Variants in IL16 observed in about 807,000 individuals in gnomAD.
IL16 encodes interleukin 16, also known as pro-interleukin-16.
Under a neutral mutation model 110.1 loss-of-function variants are expected in IL16, and 67 were observed. The ratio of observed to expected loss-of-function variants is 0.61; its 90% CI spans 0.50 to 0.75. The LOEUF (loss-of-function observed/expected upper bound fraction) is 0.75. Ranked by LOEUF, IL16 falls within the 30% of genes least tolerant of loss-of-function variation. The pLI is 0.00. For missense variants in IL16, 1,545 were observed against 1,655.0 expected (o/e 0.93, Z 1.15); for synonymous variants, 689 against 662.9 (o/e 1.04, Z -0.61).
intron 2 of IL16, among the ~76,000 whole-genome samples, chr15:81,256,244 G>T (rs1897939807): frequency 6.6e-6 from 1 of 151,312 alleles, no homozygotes; most frequent in African/African-American, 2.4e-5. Flanking sequence ...TATTTTACAT[G>T]ATTGTAGTCA....
intron 9 of IL16, among the ~76,000 whole-genome samples, chr15:81,283,729 G>T (rs1197147692): frequency 1.3e-5 from 2 of 152,124 alleles, no homozygotes; most frequent in Non-Finnish European, 2.9e-5. Context: ...TAGTAAGTTG[G>T]GCACCATGGT....
chr15:81,278,917 CA>C, intron 7 of IL16, 27 bp downstream of exon 7: 1 of 1,512,032 alleles, frequency 6.6e-7, no homozygotes, highest in Non-Finnish European at 9.2e-7. Flanking sequence ...AACACGTGAC[CA>C]AACTCTGGGG....
At chr15:81,306,304 A>C (rs1185835706) in intron 17 of IL16, 116 bp from the exon 18 acceptor site, 1 of 1,525,034 alleles carries the variant, frequency 6.6e-7, no homozygotes, top group Admixed American at 1.8e-5. Flanking sequence ...AGACGTGTTT[A>C]CATGTGCCTG....
intron 2 of IL16, among the ~76,000 whole-genome samples, chr15:81,247,042 C>T (rs1410936818): frequency 2.0e-5 from 3 of 146,600 alleles, no homozygotes; most frequent in Admixed American, 6.8e-5. Context: ...CCTTTCAACC[C>T]TCATTTTATT....
chr15:81,232,042 G>GTTTTTTTTTTTTTTTTTTTT lies in IL16; in HGVS notation c.312+6336_312+6355dup. 3.5e-5 allele frequency among the ~76,000 whole-genome samples: 2 copies of GTTTTTTTTTTTTTTTTTTTT among 57,690 alleles called. 1 individual carries two copies. Among genetic ancestry groups the GTTTTTTTTTTTTTTTTTTTT allele is most frequent in the Non-Finnish European group, 6.7e-5 (2 of 29,918 alleles). The allele number at this position is 57,690 out of a possible 152,430, so 37.8% of individuals were successfully genotyped here. A position where few individuals can be genotyped will look rare whatever the true frequency, so the allele number is the denominator to read the frequency against. ...ATGTAAGTCCTCCACATTTGTTCTT[G>GTTTTTTTTTTTTTTTTTTTT]TTTTTTTTTTTTTTTTTTTTTTTTC... On this transcript the variant is annotated intron_variant, in intron 2 of 18. Coordinates refer to ENST00000683961, the MANE Select transcript of IL16 (RefSeq NM_172217.5).
chr15:81,228,469 T>C (rs1004962945), intron 2 of IL16, among the ~76,000 whole-genome samples: 1 of 151,992 alleles, frequency 6.6e-6, no homozygotes, highest in Non-Finnish European at 1.5e-5. Context: ...TACAGGAGCC[T>C]GCCACTACAC....
Position 81,296,846 on chromosome 15 carries a change from C to T in IL16, c.1903-82C>T, listed in dbSNP as rs1007428417. ...GAAAGCAGCTCAATATCCGTTTTTC[C>T]GTCCCAATCAAAGCGTGTCTCGCCT... On this transcript the variant is annotated intron_variant, in intron 12 of 18. Transcript: ENST00000683961. 53 of 1,275,370 alleles carry T rather than the reference C, an allele frequency of 4.2e-5. 1 individual carries two copies. In the East Asian group the frequency reaches 9.1e-4, roughly 22 times the overall value. The allele number at this position is 1,275,370 out of a possible 1,614,324, so 79.0% of individuals were successfully genotyped here.
At chr15:81,223,770 T>C (rs560848735) in intron 1 of IL16, among the ~76,000 whole-genome samples, 9 of 152,350 alleles carry the variant, frequency 5.9e-5, no homozygotes, top group Non-Finnish European at 1.3e-4. Context: ...GGAGGCCCAG[T>C]TGGTGGCCAC....
At chr15:81,233,382 T>C (rs957080058) in intron 2 of IL16, among the ~76,000 whole-genome samples, 4 of 152,038 alleles carry the variant, frequency 2.6e-5, no homozygotes, top group Non-Finnish European at 5.9e-5. Context: ...TGTATACTTG[T>C]TATTTTTTAG....
chr15:81,263,141 C>G (rs983490918), intron 3 of IL16, among the ~76,000 whole-genome samples: 5 of 152,046 alleles, frequency 3.3e-5, no homozygotes, highest in Admixed American at 6.5e-5. Context: ...TAAGTTTAAT[C>G]AATTAATTAA....
At position 81,306,160 on chromosome 15, in the gene IL16, G is replaced by GAATCTAGT; in HGVS notation, c.3676_3679+4dup. 1 of 1,613,646 alleles carries GAATCTAGT rather than the reference G, an allele frequency of 6.2e-7. No homozygotes were observed. The highest frequency in any genetic ancestry group is 1.1e-5 in the South Asian group (1 of 91,052). On this transcript the variant is annotated frameshift_variant, in exon 17 of 19. Transcript: ENST00000683961. LOFTEE classifies it high-confidence loss of function. ...CTCTGCAGCCAGTGATGTTTCTGTA[G>GAATCTAGT]AATCTAGTAAGTTCTCCCAACTCAG...
chr15:81,259,874 T>C lies in IL16; in HGVS notation c.415T>C (p.Ser139Pro), dbSNP rs1423322839. Reference sequence around the variant, plus strand: ...CTGCCACCAAAGGGCACGCAGCAACTCAACCAGTAAGTGTCTTCCCAACAT... The same window carrying C: ...CTGCCACCAAAGGGCACGCAGCAACCCAACCAGTAAGTGTCTTCCCAACAT... ...KACHQRARSNSTSVNPYCTRE... is the reference protein window; with the variant it reads ...KACHQRARSNPTSVNPYCTRE... The change falls in exon 3 of 19, where the codon TCA (serine) becomes CCA (proline). Residue 139 changes from serine to proline, a missense_variant. By Grantham distance (74) the Ser-to-Pro change is moderately conservative. Around this residue, in one of 3 missense-constraint regions of IL16, gnomAD observed 1,185 missense variants for 1,238.8 expected, o/e 0.96. Coordinates refer to ENST00000683961, the MANE Select transcript of IL16 (RefSeq NM_172217.5). The C allele has an allele frequency of 6.3e-7, 1 of 1,597,830 alleles. No individual in the cohort carries two copies. The highest frequency in any genetic ancestry group is 1.3e-5 in the African/African-American group (1 of 74,600).
intron 6 of IL16, 146 bp downstream of exon 6, chr15:81,273,350 A>G (rs2142257375): frequency 3.5e-6 from 2 of 563,398 alleles, no homozygotes; most frequent in Non-Finnish European, 6.3e-6. Flanking sequence ...TCTGCAAGCA[A>G]TGGGGACACA....
intron 12 of IL16, among the ~76,000 whole-genome samples, chr15:81,293,246 G>A (rs1899826357): frequency 6.6e-6 from 1 of 152,222 alleles, no homozygotes; most frequent in East Asian, 1.9e-4. Context: ...AGTCCTGCTT[G>A]CTGGCATCTG....
At chr15:81,221,221 G>A (rs1264845578) in intron 1 of IL16, among the ~76,000 whole-genome samples, 3 of 152,044 alleles carry the variant, frequency 2.0e-5, no homozygotes, top group African/African-American at 7.3e-5. Flanking sequence ...TTTTCTGCTT[G>A]GAAGTAAAAC....
Position 81,279,545 on chromosome 15 carries a change from C to G in IL16, c.865-13C>G. ...TTGCTGCTGGGTGTTGTAGCCCTCTCTCTTTCTTTCAGCAAGCCAAAAAGG... is the reference window on the plus strand; with the variant it reads ...TTGCTGCTGGGTGTTGTAGCCCTCTGTCTTTCTTTCAGCAAGCCAAAAAGG... On this transcript the variant is annotated splice_polypyrimidine_tract_variant and intron_variant, in intron 7 of 18. Transcript: ENST00000683961. 2.5e-6 allele frequency: 4 copies of G among 1,603,950 alleles called. No individual in the cohort carries two copies. The highest frequency in any genetic ancestry group is 3.4e-6 in the Non-Finnish European group (4 of 1,174,784).
At chr15:81,247,075 C>CTTTTT (rs1897580851) in intron 2 of IL16, among the ~76,000 whole-genome samples, 2 of 109,420 alleles carry the variant, frequency 1.8e-5, no homozygotes, top group Non-Finnish European at 3.8e-5. Context: ...CTTTTCTTTT[C>CTTTTT]CTTTTTTTTT....
intron 9 of IL16, among the ~76,000 whole-genome samples, chr15:81,283,387 G>C (rs1899284697): frequency 6.6e-6 from 1 of 151,386 alleles, no homozygotes; most frequent in African/African-American, 2.4e-5. Context: ...AAAAAAAAGA[G>C]AATGATCTGG....
intron 1 of IL16, among the ~76,000 whole-genome samples, chr15:81,218,507 T>C (rs1208427025): frequency 1.3e-5 from 2 of 152,200 alleles, no homozygotes; most frequent in Non-Finnish European, 2.9e-5. Context: ...AACTACTAGC[T>C]GACAAAATTA....
Sources: allele counts gnomAD v4.1 joint callset (sites outside exome capture counted in the v4.1 genomes callset), GRCh38; gene constraint gnomAD v4.1.1; regional missense constraint gnomAD v4.1.1; transcripts MANE v1.5; gene names NCBI Gene and HGNC (gene_info 2026-07-23, HGNC 2026-07-21).